Variants in TCF7L2 observed in about 807,000 individuals in gnomAD.
TCF7L2 encodes transcription factor 7 like 2.
TCF7L2 carries 23 observed loss-of-function variants against 77.9 expected under a neutral mutation model. That is an observed-to-expected ratio of 0.30 (90% CI 0.21 to 0.42). The LOEUF (loss-of-function observed/expected upper bound fraction) is 0.42, where lower values mean the gene tolerates loss of function less well. Among genes scored for constraint, TCF7L2 ranks in the 10% least tolerant of loss-of-function variants. The pLI, the probability that TCF7L2 is intolerant of heterozygous loss-of-function variation, is 1.00. For synonymous variants in TCF7L2, 413 were observed against 340.2 expected, an observed-to-expected ratio of 1.21 and a Z score of -2.36; for missense variants, 654 against 793.1, an observed-to-expected ratio of 0.82 and a Z score of 2.11.
intron 5 of TCF7L2, among the ~76,000 whole-genome samples, chr10:113,096,764 C>A (rs1240382018): frequency 1.3e-5 from 2 of 152,096 alleles, no homozygotes; most frequent in Non-Finnish European, 2.9e-5. Context: ...AAGCTCTTGG[C>A]TGGGAAGATC....
At chr10:112,964,828 C>A (rs2036352579) in intron 4 of TCF7L2, among the ~76,000 whole-genome samples, 3 of 96,124 alleles carry the variant, frequency 3.1e-5, no homozygotes, top group South Asian at 4.2e-4. Flanking sequence ...GGGGTTGAAT[C>A]ACTGGGGGAG....
At chr10:112,960,582 A>G (rs1221968892) in intron 3 of TCF7L2, among the ~76,000 whole-genome samples, 1 of 152,150 alleles carries the variant, frequency 6.6e-6, no homozygotes, top group Non-Finnish European at 1.5e-5. Context: ...AGGCACAGCC[A>G]GGTGAGAGCA....
intron 5 of TCF7L2, among the ~76,000 whole-genome samples, chr10:113,073,503 C>CAAAAA (rs35730806): frequency 1.8e-4 from 8 of 43,962 alleles, no homozygotes; most frequent in African/African-American, 2.8e-4. Flanking sequence ...CGGTCTCTAC[C>CAAAAA]AAAAAAAAAA....
intron 6 of TCF7L2, among the ~76,000 whole-genome samples, chr10:113,141,695 G>T (rs1272995199): frequency 6.6e-6 from 1 of 152,090 alleles, no homozygotes; most frequent in Non-Finnish European, 1.5e-5. Context: ...CATTTCTTGG[G>T]TTCCTCCTCA....
At chr10:113,084,992 C>T (rs140946845) in intron 5 of TCF7L2, among the ~76,000 whole-genome samples, 341 of 151,900 alleles carry the variant, frequency 2.2e-3, no homozygotes, top group African/African-American at 7.6e-3. Flanking sequence ...AAAGCTGTTG[C>T]CTTTTTCTTC....
intron 4 of TCF7L2, among the ~76,000 whole-genome samples, chr10:113,014,362 G>T (rs1427870834): frequency 3.3e-5 from 5 of 152,188 alleles, no homozygotes; most frequent in Non-Finnish European, 7.3e-5. Context: ...AGACAGTTTG[G>T]TGGTAGTTTT....
At chr10:113,125,964 T>C (rs1227169269) in intron 5 of TCF7L2, 1 of 152,222 alleles carries the variant, frequency 6.6e-6, no homozygotes, top group Non-Finnish European at 1.5e-5. Flanking sequence ...CTTGATTTTG[T>C]TTAATCTTTT....
intron 7 of TCF7L2, among the ~76,000 whole-genome samples, chr10:113,145,093 T>C (rs2069092796): frequency 6.6e-6 from 1 of 150,880 alleles, no homozygotes; most frequent in Non-Finnish European, 1.5e-5. Context: ...CGTATTTCTC[T>C]AGTTAGATAG....
intron 4 of TCF7L2, among the ~76,000 whole-genome samples, chr10:112,981,630 CA>C (rs1421447473): frequency 2.0e-5 from 3 of 152,184 alleles, no homozygotes; most frequent in Non-Finnish European, 4.4e-5. Context: ...AGGAGCCCGA[CA>C]ATGACTTAAA....
At position 113,045,459 on chromosome 10, in the gene TCF7L2, G is replaced by C. The variant is rs376448567; in HGVS notation, c.552+5333G>C. ...TAAGTGGGTGCTTAGAGCACAATGT[G>C]TGTGGTGTGCCAAGAGCAGCTGGGA... On this transcript the variant is annotated intron_variant, in intron 5 of 13. Coordinates refer to ENST00000627217, the MANE Select transcript of TCF7L2 (RefSeq NM_001146274.2). Among the ~76,000 whole-genome samples the C allele has an allele frequency of 9.2e-5, 14 of 152,316 alleles. No individual in the cohort carries two copies. The South Asian group carries it at 2.5e-3, about 27-fold the overall frequency.
Position 113,110,395 on chromosome 10 carries a change from AT to A in TCF7L2, c.553-30782del, listed in dbSNP as rs1243398063. ...TTTTTTTTTTTTTTTTTTTTTACGA[AT>A]TTTTTTCCTAAAAGATTTTTCAGAA... On this transcript the variant is annotated intron_variant, in intron 5 of 13. Transcript: ENST00000627217. Among the ~76,000 whole-genome samples the A allele has an allele frequency of 1.5e-3, 171 of 114,236 alleles. 3 individuals are homozygous for A. The South Asian group carries it at 0.026, about 17-fold the overall frequency. The allele number at this position is 114,236 out of a possible 152,430, so 74.9% of individuals were successfully genotyped here. A position where few individuals can be genotyped will look rare whatever the true frequency, so the allele number is the denominator to read the frequency against.
At chr10:113,062,691 C>T (rs899420847) in intron 5 of TCF7L2, among the ~76,000 whole-genome samples, 2 of 152,092 alleles carry the variant, frequency 1.3e-5, no homozygotes, top group African/African-American at 4.8e-5. Flanking sequence ...AGGTAAAATT[C>T]GGTCCAATTA....
chr10:113,035,741 A>G (rs1230664351), intron 4 of TCF7L2, among the ~76,000 whole-genome samples: 1 of 152,244 alleles, frequency 6.6e-6, no homozygotes, highest in Non-Finnish European at 1.5e-5. Context: ...GAGAGGAATA[A>G]TATTTTCTGA....
chr10:112,955,018 A>G (rs1223171759), intron 3 of TCF7L2, among the ~76,000 whole-genome samples: 2 of 152,174 alleles, frequency 1.3e-5, no homozygotes, highest in East Asian at 3.9e-4. Context: ...CACTGAAACA[A>G]CATAATCCTT....
At chr10:113,133,276 TC>T (rs1277019568) in intron 5 of TCF7L2, 1 of 152,122 alleles carries the variant, frequency 6.6e-6, no homozygotes, top group Admixed American at 6.5e-5. Flanking sequence ...CTCAACACCT[TC>T]TTTATTTTCC....
chr10:113,095,181 A>T (rs1342734690), intron 5 of TCF7L2, among the ~76,000 whole-genome samples: 1 of 152,216 alleles, frequency 6.6e-6, no homozygotes, highest in African/African-American at 2.4e-5. Context: ...CTCATGTGGC[A>T]GAGGGTGGAA....
intron 10 of TCF7L2, 61 bp from the exon 11 acceptor site, chr10:113,152,272 G>A: frequency 7.0e-7 from 1 of 1,429,404 alleles, no homozygotes; most frequent in Middle Eastern, 1.7e-4. Flanking sequence ...AATGTGTGAT[G>A]TTCTTTCATG....
intron 5 of TCF7L2, among the ~76,000 whole-genome samples, chr10:113,041,644 G>GT (rs2052467981): frequency 6.6e-6 from 1 of 152,144 alleles, no homozygotes; most frequent in South Asian, 2.1e-4. Context: ...GAAGTTGCTG[G>GT]TTGGGGGTTC....
chr10:113,074,868 A>T (rs368850802), intron 5 of TCF7L2, among the ~76,000 whole-genome samples: 1 of 152,188 alleles, frequency 6.6e-6, no homozygotes, highest in South Asian at 2.1e-4. Flanking sequence ...TCTCATGGGC[A>T]CAGGGCAGGG....
Sources: gnomAD v4.1 joint callset for allele counts (sites outside exome capture counted in the v4.1 genomes callset) on GRCh38, gnomAD v4.1.1 for gene constraint, MANE v1.5 for transcripts, NCBI Gene and HGNC (gene_info 2026-07-23, HGNC 2026-07-21) for gene names.